The following DENND4B variants were observed in gnomAD, a reference collection of about 807,000 sequenced individuals.
DENND4B encodes the protein DENN domain-containing protein 4B.
A neutral mutation model predicts 161.0 loss-of-function variants in DENND4B; 67 were observed. That is an observed-to-expected ratio of 0.42 (90% CI 0.34 to 0.51). DENND4B has a LOEUF of 0.51. Among genes scored for constraint, DENND4B ranks in the 20% least tolerant of loss-of-function variants. The probability of loss-of-function intolerance (pLI) is 0.08; values close to 1 mark genes in which losing one functional copy is unlikely to be tolerated. For synonymous variants in DENND4B, 753 were observed against 813.8 expected, an observed-to-expected ratio of 0.93 and a Z score of 1.27; for missense variants, 1,481 against 1,968.0, an observed-to-expected ratio of 0.75 and a Z score of 4.68.
Position 153,932,954 on chromosome 1 carries a change from G to T in DENND4B, c.3530C>A (p.Ala1177Glu). The change falls in exon 22 of 28, where the codon GCA becomes GAA. Residue 1177 changes from alanine to glutamate, a missense_variant. Around this residue, in one of 3 missense-constraint regions of DENND4B, gnomAD observed 336 missense variants for 503.3 expected, o/e 0.67. Transcript: ENST00000361217. This position sits in a 1 kb window ranked among gnomAD's most constrained non-coding sequence, Gnocchi z 5.8. ...TGTGTTGAGGTTAGAGTCATCAGGT[G>T]CCCAGCCAGCCATGATTTCCTCATC... ...VYDEEIMAGW[A>E]PDDSNLNTTC... is the part of the protein sequence containing the mutation. The T allele has an allele frequency of 6.2e-7, 1 of 1,614,024 alleles. No individual in the cohort carries two copies. Among genetic ancestry groups the T allele is most frequent in the Non-Finnish European group, 8.5e-7 (1 of 1,179,890 alleles).
At position 153,941,079 on chromosome 1, in the gene DENND4B, CA is replaced by C. The variant is rs1557856164; in HGVS notation, c.1182-32del. 5 of 1,553,780 alleles carry C rather than the reference CA, an allele frequency of 3.2e-6. No homozygotes were observed. In the Admixed American group the frequency reaches 9.8e-5, roughly 31 times the overall value. On this transcript the variant is annotated intron_variant, in intron 8 of 27. Transcript: ENST00000361217. Reference sequence around the variant, plus strand: ...GGCAATGCCGAGGTGGGGAAAGGGTCACCAGGATACCCTGGGGACCCTTCCC... The same window carrying C: ...GGCAATGCCGAGGTGGGGAAAGGGTCCCAGGATACCCTGGGGACCCTTCCC...
In DENND4B at chr1:153,944,353, G is replaced by A. The variant is rs773645375; in HGVS notation, c.22C>T (p.Arg8Trp). ...GCTACCACGAAGTAATCCACCAGCC[G>A]GGGGGGCCGCTCCTCCGCCATGGCC... Reference protein sequence around the residue: MAEERPPRLVDYFVVAGL... With the variant: MAEERPPWLVDYFVVAGL... Residue 8 changes from arginine (R) to tryptophan (W), a missense_variant, in exon 2 of 28, where the codon CGG becomes TGG. Arg to Trp is a moderately radical substitution (Grantham distance 101). Transcript: ENST00000361217. This position sits in a 1 kb window ranked among gnomAD's most constrained non-coding sequence, Gnocchi z 4.8. The A allele has an allele frequency of 2.5e-6, 4 of 1,599,184 alleles. No individual in the cohort carries two copies. Among genetic ancestry groups the A allele is most frequent in the East Asian group, 2.3e-5 (1 of 43,992 alleles).
chr1:153,938,845 A>T (rs80093879), intron 13 of DENND4B, 55 bp downstream of exon 13: 77,258 of 1,550,676 alleles, frequency 0.05, 2,187 homozygotes, highest in Admixed American at 0.1. Context: ...TTGGGGCAAC[A>T]GAGACAATGA....
At position 153,932,205 on chromosome 1, in the gene DENND4B, T is replaced by G; in HGVS notation, c.3995A>C (p.Gln1332Pro). 6.2e-7 allele frequency: 1 copy of G among 1,613,184 alleles called. No homozygotes were observed. Among genetic ancestry groups the G allele is most frequent in the South Asian group, 1.1e-5 (1 of 90,962 alleles). ...CAGGGGCCACATGGGGGCACTGACC[T>G]GGGAGTGCGAAGGCCCATCACAGGA... ...LASCDGPSHS[Q>P]APSPWLTPDP... The change falls in exon 24 of 28, where the codon CAG becomes CCG. Residue 1332 changes from glutamine to proline, a missense_variant and splice_region_variant. Around this residue, in one of 3 missense-constraint regions of DENND4B, gnomAD observed 336 missense variants for 503.3 expected, o/e 0.67. Coordinates refer to ENST00000361217, the MANE Select transcript of DENND4B (RefSeq NM_014856.3). The surrounding 1 kb of genome is among the most constrained non-coding windows in gnomAD (Gnocchi z 5.8).
chr1:153,935,906 A>T, intron 17 of DENND4B, 154 bp downstream of exon 17: 1 of 909,936 alleles, frequency 1.1e-6, no homozygotes, highest in Non-Finnish European at 1.6e-6. Flanking sequence ...TGTAGGTGCT[A>T]AGGCACCACA....
At position 153,940,171 on chromosome 1, in the gene DENND4B, G is replaced by GGTACAGGT; in HGVS notation, c.1580_1587dup (p.Gln530ThrfsTer23). ...GGCTTCTCACTCTGGTCCAGCTGCT[G>GGTACAGGT]GTACAGGTTTGTCAGTGTGGCCAGC... On this transcript the variant is annotated frameshift_variant, in exon 11 of 28. Coordinates refer to ENST00000361217, the MANE Select transcript of DENND4B (RefSeq NM_014856.3). LOFTEE classifies it high-confidence loss of function. The surrounding 1 kb of genome is among the most constrained non-coding windows in gnomAD (Gnocchi z 5.6). 1 of 1,582,010 alleles carries GGTACAGGT rather than the reference G, an allele frequency of 6.3e-7. No individual in the cohort carries two copies. The highest frequency in any genetic ancestry group is 8.6e-7 in the Non-Finnish European group (1 of 1,166,596).
At chr1:153,935,355 C>CT (rs1208834320) in intron 17 of DENND4B, 11 of 182,838 alleles carry the variant, frequency 6.0e-5, no homozygotes, top group East Asian at 3.0e-4. Context: ...ATTCTTTTTT[C>CT]TTTTTTTTCG....
Position 153,936,091 on chromosome 1 carries a change from G to A in DENND4B, c.2537C>T (p.Pro846Leu), listed in dbSNP as rs1218726360. Reference sequence around the variant, plus strand: ...GTAGTAGCCATAGGTGATGGTGTTGGGCACAATGCCTGCCTGACGCATCTC... The same window carrying A: ...GTAGTAGCCATAGGTGATGGTGTTGAGCACAATGCCTGCCTGACGCATCTC... ...MLEMRQAGIV[P>L]NTITYGYYNK... is the part of the protein sequence containing the mutation. Residue 846 changes from proline to leucine, a missense_variant, in exon 17 of 28, where the codon CCC (proline) becomes CTC (leucine). Pro to Leu is a moderately conservative substitution (Grantham distance 98). Coordinates refer to ENST00000361217, the MANE Select transcript of DENND4B (RefSeq NM_014856.3). This position sits in a 1 kb window ranked among gnomAD's most constrained non-coding sequence, Gnocchi z 4.1. 1.9e-6 allele frequency: 3 copies of A among 1,613,038 alleles called. No individual in the cohort carries two copies. Among genetic ancestry groups the A allele is most frequent in the African/African-American group, 1.3e-5 (1 of 74,996 alleles).
intron 2 of DENND4B, among the ~76,000 whole-genome samples, 159 bp from the exon 3 acceptor site, chr1:153,943,289 C>T (rs1421848500): frequency 6.6e-6 from 1 of 152,228 alleles, no homozygotes; most frequent in African/African-American, 2.4e-5. Flanking sequence ...GAACTCTGCC[C>T]TCCAGAATCC....
intron 17 of DENND4B, chr1:153,935,806 T>C: frequency 4.4e-6 from 2 of 456,626 alleles, no homozygotes; most frequent in Admixed American, 7.2e-5. Flanking sequence ...GTGTGATGCG[T>C]ATGGACCCGT....
Position 153,936,504 on chromosome 1 carries a change from T to C in DENND4B, c.2439+38A>G. The stretch of plus-strand genomic sequence containing the variant: ...CCCTCTCCAGCTGCACAAGGCTCAC[T>C]GGGCCTGGGTATGAGCATGGTCACA... On this transcript the variant is annotated intron_variant, in intron 16 of 27. Transcript: ENST00000361217. The surrounding 1 kb of genome is among the most constrained non-coding windows in gnomAD (Gnocchi z 4.1). 1 of 1,517,072 alleles carries C rather than the reference T, an allele frequency of 6.6e-7. No individual in the cohort carries two copies. The allele number at this position is 1,517,072 out of a possible 1,614,324, so 94.0% of individuals were successfully genotyped here. A position where few individuals can be genotyped will look rare whatever the true frequency, so the allele number is the denominator to read the frequency against.
chr1:153,946,453 C>T lies in DENND4B; in HGVS notation c.-176G>A, dbSNP rs1679980369. ...GGGCAGTGAGTGAAGGAAGAAGAGGCGGCCGAGGACCGCAGAGCGCGGGGC... is the reference window on the plus strand; with the variant it reads ...GGGCAGTGAGTGAAGGAAGAAGAGGTGGCCGAGGACCGCAGAGCGCGGGGC... On this transcript the variant is annotated 5_prime_UTR_variant, in exon 1 of 28. Coordinates refer to ENST00000361217, the MANE Select transcript of DENND4B (RefSeq NM_014856.3). This position sits in a 1 kb window ranked among gnomAD's most constrained non-coding sequence, Gnocchi z 6.3. 5.1e-6 allele frequency: 2 copies of T among 389,000 alleles called. No homozygotes were observed. Among genetic ancestry groups the T allele is most frequent in the East Asian group, 7.3e-5 (2 of 27,320 alleles). The allele number at this position is 389,000 out of a possible 1,614,324, so 24.1% of individuals were successfully genotyped here.
Position 153,934,167 on chromosome 1 carries a change from G to A in DENND4B, c.2909C>T (p.Ala970Val). Reference protein sequence around the residue: ...KSGSLGSARGAQPTVEAGVAH... With the variant: ...KSGSLGSARGVQPTVEAGVAH... ...CACACCGGCCTCCACAGTGGGCTGT[G>A]CCCCTCGGGCACTGCCCAGGCTACC... is the stretch of plus-strand genomic sequence containing the variant. Residue 970 changes from alanine to valine, a missense_variant, in exon 19 of 28, where the codon GCA (alanine) becomes GTA (valine). Transcript: ENST00000361217. The surrounding 1 kb of genome is among the most constrained non-coding windows in gnomAD (Gnocchi z 5.3). The A allele has an allele frequency of 2.5e-6, 4 of 1,587,512 alleles. No individual in the cohort carries two copies. The highest frequency in any genetic ancestry group is 1.4e-5 in the African/African-American group (1 of 73,194).
chr1:153,940,126 C>T lies in DENND4B; in HGVS notation c.1603+30G>A. The T allele has an allele frequency of 6.5e-7, 1 of 1,527,270 alleles. No homozygotes were observed. The allele number at this position is 1,527,270 out of a possible 1,614,324, so 94.6% of individuals were successfully genotyped here. A position where few individuals can be genotyped will look rare whatever the true frequency, so the allele number is the denominator to read the frequency against. ...GGAGGTTTGAGGGCAATGACAGTTC[C>T]CAGCCTCCCTCCCCACCCAGGCTTC... is the stretch of plus-strand genomic sequence containing the variant. On this transcript the variant is annotated intron_variant, in intron 11 of 27. Coordinates refer to ENST00000361217, the MANE Select transcript of DENND4B (RefSeq NM_014856.3). This position sits in a 1 kb window ranked among gnomAD's most constrained non-coding sequence, Gnocchi z 5.6.
Position 153,942,727 on chromosome 1 carries a change from C to A in DENND4B, c.571-102G>T. ...CCTAAATGTTCTTTTGTCTTTAAAGCTCCCATTAATCCCAGTGCCCCAAGA... is the reference window on the plus strand; with the variant it reads ...CCTAAATGTTCTTTTGTCTTTAAAGATCCCATTAATCCCAGTGCCCCAAGA... On this transcript the variant is annotated intron_variant, in intron 3 of 27. Coordinates refer to ENST00000361217, the MANE Select transcript of DENND4B (RefSeq NM_014856.3). This position sits in a 1 kb window ranked among gnomAD's most constrained non-coding sequence, Gnocchi z 6.9. The A allele has an allele frequency of 6.8e-7, 1 of 1,475,642 alleles. No individual in the cohort carries two copies. Among genetic ancestry groups the A allele is most frequent in the Non-Finnish European group, 9.0e-7 (1 of 1,109,456 alleles). The allele number at this position is 1,475,642 out of a possible 1,614,324, so 91.4% of individuals were successfully genotyped here.
chr1:153,935,460 C>T (rs1275282899), intron 17 of DENND4B, among the ~76,000 whole-genome samples: 2 of 152,224 alleles, frequency 1.3e-5, no homozygotes, highest in African/African-American at 4.8e-5. Flanking sequence ...GATTCTCTTG[C>T]CTCAGCCTCC....
Position 153,942,250 on chromosome 1 carries a change from G to A in DENND4B, c.747C>T (p.Ala249=). The change falls in exon 5 of 28, where the codon GCC becomes GCT. Residue 249 remains alanine, a synonymous_variant. Coordinates refer to ENST00000361217, the MANE Select transcript of DENND4B (RefSeq NM_014856.3). This position sits in a 1 kb window ranked among gnomAD's most constrained non-coding sequence, Gnocchi z 6.9. ...AGACGGGCACGGGGTACTTGGTCTG[G>A]GCAGGCCAGCACTCGATAGTGGCCC... ...PMGATIECWP[A]QTKYPVPVFS... 1 of 1,613,960 alleles carries A rather than the reference G, an allele frequency of 6.2e-7. No individual in the cohort carries two copies. Among genetic ancestry groups the A allele is most frequent in the South Asian group, 1.1e-5 (1 of 91,090 alleles).
rs577416893 is a variant in DENND4B, at chr1:153,934,288, G to A, written c.2788C>T (p.Arg930Cys). 1.4e-5 allele frequency: 22 copies of A among 1,589,126 alleles called. No individual in the cohort carries two copies. Among genetic ancestry groups the A allele is most frequent in the Admixed American group, 9.3e-5 (5 of 53,954 alleles). The change falls in exon 19 of 28, where the codon CGC becomes TGC. Residue 930 changes from arginine (R) to cysteine (C), a missense_variant. Coordinates refer to ENST00000361217, the MANE Select transcript of DENND4B (RefSeq NM_014856.3). This position sits in a 1 kb window ranked among gnomAD's most constrained non-coding sequence, Gnocchi z 5.3. ...TGAAGAGGGCGAGTAGGGGAAGGGCGCTCCAAATAGGGCTCTGTAAAAGAC... is the reference window on the plus strand; with the variant it reads ...TGAAGAGGGCGAGTAGGGGAAGGGCACTCCAAATAGGGCTCTGTAAAAGAC... ...GSSQAEPYLERPSPTRPLQRQ... is the reference protein window; with the variant it reads ...GSSQAEPYLECPSPTRPLQRQ...
chr1:153,942,155 C>G lies in DENND4B; in HGVS notation c.810+32G>C. ...GGGTAGTCAGGCAGGCCCTGCATAG[C>G]CTGGACCCCTTGCCACACTCCACAC... is the stretch of plus-strand genomic sequence containing the variant. On this transcript the variant is annotated intron_variant, in intron 5 of 27. Coordinates refer to ENST00000361217, the MANE Select transcript of DENND4B (RefSeq NM_014856.3). This position sits in a 1 kb window ranked among gnomAD's most constrained non-coding sequence, Gnocchi z 6.9. 1 of 1,613,948 alleles carries G rather than the reference C, an allele frequency of 6.2e-7. No homozygotes were observed. The highest frequency in any genetic ancestry group is 8.5e-7 in the Non-Finnish European group (1 of 1,179,876).
Sources: allele counts gnomAD v4.1 joint callset (sites outside exome capture counted in the v4.1 genomes callset), GRCh38; gene constraint gnomAD v4.1.1; regional missense constraint gnomAD v4.1.1; non-coding constraint Gnocchi (gnomAD v3.1); transcripts MANE v1.5; gene names NCBI Gene and HGNC (gene_info 2026-07-23, HGNC 2026-07-21).